G3BP1: variants seen among roughly 807,000 people sequenced by gnomAD.
The protein encoded by G3BP1 is ras GTPase-activating protein-binding protein 1.
Under a neutral mutation model 58.6 loss-of-function variants are expected in G3BP1, and 35 were observed. That is an observed-to-expected ratio of 0.60 (90% CI 0.46 to 0.79). G3BP1 has a LOEUF of 0.79. Among genes scored for constraint, G3BP1 ranks in the 30% least tolerant of loss-of-function variants. The pLI, the probability that G3BP1 is intolerant of heterozygous loss-of-function variation, is 0.00. For missense variants in G3BP1, 523 were observed against 580.8 expected (o/e 0.90, Z 1.02); for synonymous variants, 191 against 195.4 (o/e 0.98, Z 0.19).
chr5:151,779,056 A>AG lies in G3BP1; in HGVS notation c.-50+7020_-50+7021insG, dbSNP rs546124720. 2.6e-5 allele frequency among the ~76,000 whole-genome samples: 4 copies of AG among 152,228 alleles called. No individual in the cohort carries two copies. In the South Asian group the frequency reaches 8.3e-4, roughly 32 times the overall value. ...GTGGAAGATTCCTTCTAAAAAAAAA[A>AG]AAATCAGTCAGTCAATCAATCAGGT... is the stretch of plus-strand genomic sequence containing the variant. On this transcript the variant is annotated intron_variant, in intron 1 of 11. Coordinates refer to ENST00000356245, the MANE Select transcript of G3BP1 (RefSeq NM_005754.3).
At chr5:151,796,595 A>T (rs1762755560) in intron 6 of G3BP1, among the ~76,000 whole-genome samples, 1 of 152,170 alleles carries the variant, frequency 6.6e-6, no homozygotes, top group African/African-American at 2.4e-5. Context: ...TGGTTGATTT[A>T]TGTGGAATTT....
At chr5:151,794,709 T>C (rs1465020279) in intron 5 of G3BP1, among the ~76,000 whole-genome samples, 1 of 152,220 alleles carries the variant, frequency 6.6e-6, no homozygotes, top group East Asian at 1.9e-4. Flanking sequence ...AAAGACAGTC[T>C]AGAAGAAAGG....
intron 11 of G3BP1, among the ~76,000 whole-genome samples, chr5:151,803,140 T>C (rs1229466179): frequency 2.0e-5 from 3 of 152,186 alleles, no homozygotes; most frequent in Admixed American, 6.5e-5. Context: ...TCAGGAGGTG[T>C]TAAAGAGCAA....
chr5:151,792,865 T>C (rs1225558845), intron 4 of G3BP1, among the ~76,000 whole-genome samples: 1 of 152,160 alleles, frequency 6.6e-6, no homozygotes, highest in Non-Finnish European at 1.5e-5. Context: ...TTCTCCTACC[T>C]CAGCTCTCCA....
At chr5:151,787,452 G>T (rs1762571518) in intron 2 of G3BP1, 1 of 152,172 alleles carries the variant, frequency 6.6e-6, no homozygotes, top group Non-Finnish European at 1.5e-5. Flanking sequence ...TAAAACCACA[G>T]AAACAATTTT....
intron 3 of G3BP1, among the ~76,000 whole-genome samples, chr5:151,790,681 T>C (rs1762635882): frequency 6.6e-6 from 1 of 152,178 alleles, no homozygotes; most frequent in Admixed American, 6.5e-5. Context: ...TTGAAAAGTG[T>C]GTTAATTCAG....
chr5:151,801,735 T>C (rs1206749675), intron 11 of G3BP1, among the ~76,000 whole-genome samples: 2 of 152,214 alleles, frequency 1.3e-5, no homozygotes, highest in African/African-American at 4.8e-5. Context: ...AATTGTGTAC[T>C]TTAAACCATA....
rs545621439 is a variant in G3BP1, at chr5:151,810,423, G to T, written c.*6332G>T. ...AGTAGCCCCGTTTTGGGGCTGATCTGTCCAGAATTTGGAGTGAGGAACAAA... is the reference window on the plus strand; with the variant it reads ...AGTAGCCCCGTTTTGGGGCTGATCTTTCCAGAATTTGGAGTGAGGAACAAA... On this transcript the variant is annotated 3_prime_UTR_variant, in exon 12 of 12. Transcript: ENST00000356245. 5.3e-5 allele frequency: 8 copies of T among 152,348 alleles called. 1 individual carries two copies. The highest frequency in any genetic ancestry group is 1.9e-4 in the African/African-American group (8 of 41,584). The allele number at this position is 152,348 out of a possible 1,614,324, so 9.4% of individuals were successfully genotyped here.
At chr5:151,796,155 G>A (rs538683893) in intron 6 of G3BP1, among the ~76,000 whole-genome samples, 1 of 152,276 alleles carries the variant, frequency 6.6e-6, no homozygotes, top group East Asian at 1.9e-4. Flanking sequence ...GTTTCTTAAG[G>A]TGTGATGAAC....
At chr5:151,803,061 A>T (rs183668603) in intron 11 of G3BP1, among the ~76,000 whole-genome samples, 1 of 152,352 alleles carries the variant, frequency 6.6e-6, no homozygotes, top group African/African-American at 2.4e-5. Flanking sequence ...ATATATTGAA[A>T]TGTTTCGTAG....
chr5:151,804,272 A>T lies in G3BP1; in HGVS notation c.*181A>T. 2 of 408,000 alleles carry T rather than the reference A, an allele frequency of 4.9e-6. No individual in the cohort carries two copies. Among genetic ancestry groups the T allele is most frequent in the Non-Finnish European group, 8.6e-6 (2 of 231,728 alleles). The allele number at this position is 408,000 out of a possible 1,614,324, so 25.3% of individuals were successfully genotyped here. On this transcript the variant is annotated 3_prime_UTR_variant, in exon 12 of 12. Transcript: ENST00000356245. ...CCCTCTCCCTCTCTTCCCTTTCCTG[A>T]CCTTTAGTCTTTCACTTCCAATTTT...
chr5:151,793,370 A>C (rs1229184412), intron 4 of G3BP1, among the ~76,000 whole-genome samples: 2 of 152,096 alleles, frequency 1.3e-5, no homozygotes, highest in Non-Finnish European at 2.9e-5. Flanking sequence ...CGGCCTCCCA[A>C]AGTGCTGGGA....
rs1440737555 is a variant in G3BP1 at position 151,810,385 on chromosome 5, A to C, written c.*6294A>C. On this transcript the variant is annotated 3_prime_UTR_variant, in exon 12 of 12. Coordinates refer to ENST00000356245, the MANE Select transcript of G3BP1 (RefSeq NM_005754.3). ...ATATTTTTTCCTAAGAAAAAATTTC[A>C]ACAGGAATGGGGAGTAGCCCCGTTT... 6.6e-6 allele frequency: 1 copy of C among 152,248 alleles called. No individual in the cohort carries two copies. Among genetic ancestry groups the C allele is most frequent in the African/African-American group, 2.4e-5 (1 of 41,470 alleles). The allele number at this position is 152,248 out of a possible 1,614,324, so 9.4% of individuals were successfully genotyped here.
intron 4 of G3BP1, among the ~76,000 whole-genome samples, chr5:151,792,675 CT>C (rs1473746489): frequency 6.6e-6 from 1 of 152,146 alleles, no homozygotes; most frequent in Non-Finnish European, 1.5e-5. Context: ...AGGATCATGA[CT>C]TACTGCAGCC....
At chr5:151,788,379 A>G (rs2113230449) in intron 2 of G3BP1, among the ~76,000 whole-genome samples, 1 of 151,868 alleles carries the variant, frequency 6.6e-6, no homozygotes, top group South Asian at 2.1e-4. Flanking sequence ...GTGATAAAAC[A>G]AGTCTCAAAG....
chr5:151,808,696 AG>A lies in G3BP1; in HGVS notation c.*4606del. ...GATTTGTAAGGTACAGTGTGCATAC[AG>A]TGTGTCTTAGGATTTTTTTAAGTAA... On this transcript the variant is annotated 3_prime_UTR_variant, in exon 12 of 12. Coordinates refer to ENST00000356245, the MANE Select transcript of G3BP1 (RefSeq NM_005754.3). 1 of 152,344 alleles carries A rather than the reference AG, an allele frequency of 6.6e-6. No homozygotes were observed. The highest frequency in any genetic ancestry group is 2.1e-4 in the South Asian group (1 of 4,830). The allele number at this position is 152,344 out of a possible 1,614,324, so 9.4% of individuals were successfully genotyped here.
chr5:151,783,658 T>C (rs1008882618), intron 1 of G3BP1, among the ~76,000 whole-genome samples: 4 of 152,104 alleles, frequency 2.6e-5, no homozygotes, highest in Non-Finnish European at 5.9e-5. Context: ...CCCAAAGTGC[T>C]GGGATTACAG....
chr5:151,786,657 C>T lies in G3BP1; in HGVS notation c.37C>T (p.Arg13Trp), dbSNP rs893775459. The T allele has an allele frequency of 2.5e-6, 4 of 1,613,340 alleles. No homozygotes were observed. The highest frequency in any genetic ancestry group is 1.3e-5 in the African/African-American group (1 of 74,868). Residue 13 changes from arginine to tryptophan, a missense_variant, in exon 2 of 12, where the codon CGG becomes TGG. Physicochemically the swap from Arg to Trp is moderately radical, Grantham distance 101. Around this residue, in one of 2 missense-constraint regions of G3BP1, gnomAD observed 398 missense variants for 399.1 expected, o/e 1.00. Transcript: ENST00000356245. Reference sequence around the variant, plus strand: ...GAAGCCTAGTCCCCTGCTGGTCGGGCGGGAATTTGTGAGACAGTATTACAC... The same window carrying T: ...GAAGCCTAGTCCCCTGCTGGTCGGGTGGGAATTTGTGAGACAGTATTACAC... ...MEKPSPLLVG[R>W]EFVRQYYTLL...
chr5:151,790,426 T>G lies in G3BP1; in HGVS notation c.177+22T>G, dbSNP rs770304814. The G allele has an allele frequency of 5.1e-6, 7 of 1,385,942 alleles. No homozygotes were observed. The South Asian group carries it at 9.2e-5, about 18-fold the overall frequency. The allele number at this position is 1,385,942 out of a possible 1,614,324, so 85.9% of individuals were successfully genotyped here. A position where few individuals can be genotyped will look rare whatever the true frequency, so the allele number is the denominator to read the frequency against. On this transcript the variant is annotated intron_variant, in intron 3 of 11. Coordinates refer to ENST00000356245, the MANE Select transcript of G3BP1 (RefSeq NM_005754.3). Reference sequence around the variant, plus strand: ...GAAAGTAAGCATTTCAAGCCTTATTTAGGCTGTTAAGCAGGTAGAAAATAA... The same window carrying G: ...GAAAGTAAGCATTTCAAGCCTTATTGAGGCTGTTAAGCAGGTAGAAAATAA...
Sources: allele counts gnomAD v4.1 joint callset (sites outside exome capture counted in the v4.1 genomes callset), GRCh38; gene constraint gnomAD v4.1.1; regional missense constraint gnomAD v4.1.1; transcripts MANE v1.5; gene names NCBI Gene and HGNC (gene_info 2026-07-23, HGNC 2026-07-21).